Variants in SPAG16 observed in about 807,000 individuals in gnomAD.
The protein encoded by SPAG16 is sperm associated antigen 16.
A neutral mutation model predicts 80.4 loss-of-function variants in SPAG16; 86 were observed. That is an observed-to-expected ratio of 1.07 (90% CI 0.90 to 1.28). The LOEUF is 1.28. Ranked by LOEUF, SPAG16 falls within the 50% of genes most tolerant of loss-of-function variation. The pLI, the probability that SPAG16 is intolerant of heterozygous loss-of-function variation, is 0.00. For missense variants in SPAG16, 870 were observed against 765.3 expected, an observed-to-expected ratio of 1.14 and a Z score of -1.61; for synonymous variants, 294 against 265.9, an observed-to-expected ratio of 1.11 and a Z score of -1.03.
At chr2:213,746,040 A>C (rs190421901) in intron 10 of SPAG16, among the ~76,000 whole-genome samples, 248 of 152,334 alleles carry the variant, frequency 1.6e-3, no homozygotes, top group Middle Eastern at 0.01. Context: ...CATTTAATTG[A>C]CTAAGTTCCT....
chr2:213,680,538 T>C (rs1322859694), intron 10 of SPAG16, among the ~76,000 whole-genome samples: 1 of 152,148 alleles, frequency 6.6e-6, no homozygotes, highest in Non-Finnish European at 1.5e-5. Flanking sequence ...AAACCTGTAT[T>C]CTATGTTCTC....
intron 6 of SPAG16, among the ~76,000 whole-genome samples, chr2:213,343,837 G>T (rs2064820334): frequency 6.6e-6 from 1 of 151,948 alleles, no homozygotes; most frequent in Non-Finnish European, 1.5e-5. Flanking sequence ...GGGACTCAAA[G>T]AAAAAAGACT....
At chr2:214,108,466 CACACACACACACA>C (rs2053500490) in intron 14 of SPAG16, among the ~76,000 whole-genome samples, 1 of 88,880 alleles carries the variant, frequency 1.1e-5, no homozygotes, top group Non-Finnish European at 2.3e-5. Context: ...CACACACACA[CACACACACACACA>C]CCCCCACACA....
chr2:213,710,277 C>A (rs1303313499), intron 10 of SPAG16, among the ~76,000 whole-genome samples: 4 of 149,306 alleles, frequency 2.7e-5, no homozygotes, highest in African/African-American at 9.9e-5. Context: ...AAGCAAAAAT[C>A]TGTCTTTAAA....
intron 10 of SPAG16, among the ~76,000 whole-genome samples, chr2:213,709,373 G>C (rs1224252268): frequency 1.3e-5 from 2 of 152,128 alleles, no homozygotes; most frequent in Non-Finnish European, 2.9e-5. Flanking sequence ...TTCGAGATTT[G>C]GGGGTATTTG....
intron 15 of SPAG16, among the ~76,000 whole-genome samples, chr2:214,234,167 C>A (rs2125809519): frequency 6.6e-6 from 1 of 152,258 alleles, no homozygotes; most frequent in East Asian, 1.9e-4. Flanking sequence ...CATTACCTTA[C>A]TGAGGATAAT....
intron 15 of SPAG16, among the ~76,000 whole-genome samples, chr2:214,348,145 T>C (rs1698179673): frequency 6.6e-6 from 1 of 152,202 alleles, no homozygotes; most frequent in African/African-American, 2.4e-5. Context: ...ATAACTTGTC[T>C]GTTTCACAAG....
intron 4 of SPAG16, among the ~76,000 whole-genome samples, chr2:213,312,415 C>T (rs534656781): frequency 6.6e-6 from 1 of 151,724 alleles, no homozygotes; most frequent in Non-Finnish European, 1.5e-5. Context: ...CTTACCTGAG[C>T]ATATGTCATC....
At chr2:213,606,507 A>G (rs1458751656) in intron 10 of SPAG16, among the ~76,000 whole-genome samples, 1 of 152,222 alleles carries the variant, frequency 6.6e-6, no homozygotes, top group Non-Finnish European at 1.5e-5. Context: ...TTGTTTGACC[A>G]TGATACATAT....
At chr2:214,033,244 G>T (rs2048514656) in intron 13 of SPAG16, among the ~76,000 whole-genome samples, 1 of 152,160 alleles carries the variant, frequency 6.6e-6, no homozygotes, top group Non-Finnish European at 1.5e-5. Context: ...GTGGGTGTGG[G>T]CAAGGGGAAA....
At position 213,979,554 on chromosome 2, in the gene SPAG16, G is replaced by A. The variant is rs115192783; in HGVS notation, c.1401-34397G>A. Among the ~76,000 whole-genome samples the A allele has an allele frequency of 8.8e-3, 1,335 of 152,216 alleles. 31 individuals carry two copies. The highest frequency in any genetic ancestry group is 0.031 in the African/African-American group (1,281 of 41,538). ...GGGCAGCAGGATGGAGTGAGTGCAAGCATGGGAAATGCCAGACACTTATAA... is the reference window on the plus strand; with the variant it reads ...GGGCAGCAGGATGGAGTGAGTGCAAACATGGGAAATGCCAGACACTTATAA... On this transcript the variant is annotated intron_variant, in intron 12 of 15. Coordinates refer to ENST00000331683, the MANE Select transcript of SPAG16 (RefSeq NM_024532.5).
intron 15 of SPAG16, among the ~76,000 whole-genome samples, chr2:214,409,934 A>T (rs1702206033): frequency 3.3e-5 from 5 of 152,218 alleles, no homozygotes; most frequent in African/African-American, 1.2e-4. Context: ...TCCCAATTAG[A>T]AAATTTTATA....
At chr2:213,637,837 A>T (rs2062428215) in intron 10 of SPAG16, among the ~76,000 whole-genome samples, 1 of 152,162 alleles carries the variant, frequency 6.6e-6, no homozygotes, top group South Asian at 2.1e-4. Flanking sequence ...GCTCACGGCA[A>T]GCTCTGACTC....
At chr2:213,596,523 A>C (rs915941554) in intron 10 of SPAG16, among the ~76,000 whole-genome samples, 1 of 152,150 alleles carries the variant, frequency 6.6e-6, no homozygotes, top group African/African-American at 2.4e-5. Context: ...TAAATTTCAG[A>C]TGACATTTAA....
intron 10 of SPAG16, among the ~76,000 whole-genome samples, chr2:213,689,006 C>A (rs1393663820): frequency 6.6e-6 from 1 of 152,152 alleles, no homozygotes; most frequent in Non-Finnish European, 1.5e-5. Context: ...GTTGCCCAGG[C>A]TGGAGTGCAG....
intron 12 of SPAG16, among the ~76,000 whole-genome samples, chr2:213,962,507 G>C (rs1051550931): frequency 1.3e-5 from 2 of 152,160 alleles, no homozygotes; most frequent in Non-Finnish European, 2.9e-5. Flanking sequence ...CTTTTAAAGA[G>C]AGAAAGACGG....
chr2:213,374,204 C>G (rs2066777981), intron 8 of SPAG16, among the ~76,000 whole-genome samples: 1 of 152,086 alleles, frequency 6.6e-6, no homozygotes, highest in Admixed American at 6.5e-5. Flanking sequence ...AAAATAAATG[C>G]CAGCCATTTT....
At chr2:214,258,478 T>TATATATATATAC (rs1218278922) in intron 15 of SPAG16, among the ~76,000 whole-genome samples, 1 of 148,752 alleles carries the variant, frequency 6.7e-6, no homozygotes, top group Non-Finnish European at 1.5e-5. Flanking sequence ...TGTGTATATA[T>TATATATATATAC]ATATATATAT....
intron 15 of SPAG16, among the ~76,000 whole-genome samples, chr2:214,354,640 G>A (rs1307349751): frequency 6.6e-6 from 1 of 151,930 alleles, no homozygotes; most frequent in Non-Finnish European, 1.5e-5. Flanking sequence ...AGCATGGAAT[G>A]TTCTTCCATT....
Sources: gnomAD v4.1 joint callset for allele counts (sites outside exome capture counted in the v4.1 genomes callset) on GRCh38, gnomAD v4.1.1 for gene constraint, MANE v1.5 for transcripts, NCBI Gene and HGNC (gene_info 2026-07-23, HGNC 2026-07-21) for gene names.